Variants in MKLN1 observed in about 807,000 individuals in gnomAD.
MKLN1 encodes the protein muskelin 1.
MKLN1 carries 18 observed loss-of-function variants against 99.0 expected under a neutral mutation model. The ratio of observed to expected loss-of-function variants is 0.18; its 90% CI spans 0.13 to 0.27. The LOEUF is 0.27. Among genes scored for constraint, MKLN1 ranks in the 10% least tolerant of loss-of-function variants. The pLI is 1.00. For missense variants in MKLN1, 621 were observed against 875.9 expected (o/e 0.71, Z 3.67); for synonymous variants, 288 against 293.2 (o/e 0.98, Z 0.18).
At position 131,228,580 on chromosome 7, in the gene MKLN1, A is replaced by T. The variant is rs1003398802; in HGVS notation, c.-179+25606A>T. On this transcript the variant is annotated intron_variant, in intron 3 of 7. Transcript: ENST00000416992. ...ATCCTTTCTCAGCCTCGCTTTCTTC[A>T]TCTATAAAATGAAGACAATAAGATC... Among the ~76,000 whole-genome samples the T allele has an allele frequency of 7.2e-5, 11 of 152,188 alleles. 1 individual carries two copies. The highest frequency in any genetic ancestry group is 2.4e-4 in the African/African-American group (10 of 41,446).
In MKLN1 at chr7:131,411,231, A is replaced by C. The variant is rs1794864498; in HGVS notation, c.704-75A>C. 6 of 876,680 alleles carry C rather than the reference A, an allele frequency of 6.8e-6. No homozygotes were observed. The East Asian group carries it at 1.7e-4, about 24-fold the overall frequency. The allele number at this position is 876,680 out of a possible 1,614,324, so 54.3% of individuals were successfully genotyped here. On this transcript the variant is annotated intron_variant, in intron 6 of 17. Coordinates refer to ENST00000352689, the MANE Select transcript of MKLN1 (RefSeq NM_013255.5). Reference sequence around the variant, plus strand: ...TAATTTCTTTTAATGTAGCCTTTTAAATTTTAATTTTTTTCTATAATAAAT... The same window carrying C: ...TAATTTCTTTTAATGTAGCCTTTTACATTTTAATTTTTTTCTATAATAAAT...
intron 16 of MKLN1, 175 bp downstream of exon 16, chr7:131,471,119 C>T (rs1796808682): frequency 9.7e-6 from 5 of 514,976 alleles, no homozygotes; most frequent in East Asian, 3.4e-5. Context: ...GGCATGTTTT[C>T]GTGTGATAAG....
chr7:131,122,914 T>G (rs1449390720), intron 1 of MKLN1, among the ~76,000 whole-genome samples: 1 of 146,354 alleles, frequency 6.8e-6, no homozygotes, highest in African/African-American at 2.5e-5. Flanking sequence ...TCCCAGCTAC[T>G]CGGGAGGCTG....
At chr7:131,179,361 G>A (rs2116354470) in intron 2 of MKLN1, among the ~76,000 whole-genome samples, 1 of 152,234 alleles carries the variant, frequency 6.6e-6, no homozygotes, top group South Asian at 2.1e-4. Flanking sequence ...CCTATTGAAG[G>A]AAGAAGGTCA....
chr7:131,126,561 T>A (rs1303705586), intron 1 of MKLN1, among the ~76,000 whole-genome samples: 4 of 151,626 alleles, frequency 2.6e-5, no homozygotes, highest in African/African-American at 9.7e-5. Flanking sequence ...ACCATATATA[T>A]TTTTTTTTCC....
At chr7:131,378,635 G>T (rs980279351) in intron 2 of MKLN1, among the ~76,000 whole-genome samples, 3 of 152,170 alleles carry the variant, frequency 2.0e-5, no homozygotes, top group Non-Finnish European at 4.4e-5. Context: ...TTTGAGATCA[G>T]TCTGGGCAAC....
At chr7:131,181,222 T>C (rs372125493) in intron 2 of MKLN1, among the ~76,000 whole-genome samples, 8 of 152,186 alleles carry the variant, frequency 5.3e-5, no homozygotes, top group African/African-American at 1.9e-4. Context: ...GTATTGATTA[T>C]GAAAGAGGCT....
At chr7:131,441,897 T>A (rs1490572592) in intron 10 of MKLN1, among the ~76,000 whole-genome samples, 4 of 152,218 alleles carry the variant, frequency 2.6e-5, no homozygotes, top group Non-Finnish European at 5.9e-5. Context: ...TTCAGCATAG[T>A]TCCCAGATAT....
At chr7:131,273,112 G>A (rs1387637114) in intron 3 of MKLN1, among the ~76,000 whole-genome samples, 1 of 152,188 alleles carries the variant, frequency 6.6e-6, no homozygotes, top group Non-Finnish European at 1.5e-5. Flanking sequence ...CCTTTGCCAA[G>A]ATCACCCAGC....
intron 4 of MKLN1, among the ~76,000 whole-genome samples, chr7:131,393,730 G>A (rs1794273890): frequency 6.6e-6 from 1 of 152,064 alleles, no homozygotes; most frequent in African/African-American, 2.4e-5. Context: ...GGGCTCAAGT[G>A]ATCCTTCATC....
intron 3 of MKLN1, among the ~76,000 whole-genome samples, chr7:131,295,345 CA>C (rs200724670): frequency 0.014 from 2,060 of 151,894 alleles, 43 homozygotes; most frequent in African/African-American, 0.047. Context: ...ACTCAGAAAC[CA>C]AAAAGATAAA....
intron 12 of MKLN1, among the ~76,000 whole-genome samples, chr7:131,451,929 C>T (rs1349138776): frequency 6.6e-6 from 1 of 152,214 alleles, no homozygotes; most frequent in Non-Finnish European, 1.5e-5. Flanking sequence ...TGTTCGTATT[C>T]ATTCAAGGAA....
At chr7:131,479,662 T>TA (rs1204641076) in intron 17 of MKLN1, among the ~76,000 whole-genome samples, 1 of 151,218 alleles carries the variant, frequency 6.6e-6, no homozygotes, top group Non-Finnish European at 1.5e-5. Flanking sequence ...CCATCTCTAC[T>TA]AAAAATACCA....
intron 3 of MKLN1, among the ~76,000 whole-genome samples, chr7:131,217,036 T>C (rs1006844901): frequency 6.6e-6 from 1 of 152,164 alleles, no homozygotes; most frequent in Non-Finnish European, 1.5e-5. Context: ...TGATAGTTGA[T>C]TTTAAGCAAA....
chr7:131,223,729 C>T (rs894841631), intron 3 of MKLN1, among the ~76,000 whole-genome samples: 1 of 152,134 alleles, frequency 6.6e-6, no homozygotes, highest in Non-Finnish European at 1.5e-5. Flanking sequence ...TTCTGAGTTA[C>T]AGCCTCAGCT....
intron 2 of MKLN1, among the ~76,000 whole-genome samples, chr7:131,166,087 C>T (rs1227437488): frequency 7.6e-6 from 1 of 131,308 alleles, no homozygotes; most frequent in East Asian, 2.3e-4. Flanking sequence ...TGCACTCCAG[C>T]CTGGGAGACT....
At chr7:131,393,210 G>A (rs765667653) in intron 4 of MKLN1, among the ~76,000 whole-genome samples, 2 of 152,214 alleles carry the variant, frequency 1.3e-5, no homozygotes, top group Non-Finnish European at 2.9e-5. Flanking sequence ...CTAGCCTTGG[G>A]ATATGTATTA....
intron 3 of MKLN1, among the ~76,000 whole-genome samples, chr7:131,279,355 C>T (rs2116575066): frequency 6.6e-6 from 1 of 152,290 alleles, no homozygotes; most frequent in East Asian, 1.9e-4. Context: ...GATCTCATGA[C>T]ATGCATCTTT....
At chr7:131,213,843 G>T (rs1796941503) in intron 3 of MKLN1, among the ~76,000 whole-genome samples, 1 of 151,958 alleles carries the variant, frequency 6.6e-6, no homozygotes. Context: ...TATAATTTTT[G>T]AATACTAACA....
Sources: gnomAD v4.1 joint callset for allele counts (sites outside exome capture counted in the v4.1 genomes callset) on GRCh38, gnomAD v4.1.1 for gene constraint, MANE v1.5 for transcripts, NCBI Gene and HGNC (gene_info 2026-07-23, HGNC 2026-07-21) for gene names.